The following FTO variants were observed in gnomAD, a reference collection of about 807,000 sequenced individuals.
FTO encodes the protein alpha-ketoglutarate-dependent dioxygenase FTO.
Under a neutral mutation model 63.9 loss-of-function variants are expected in FTO, and 47 were observed. The ratio of observed to expected loss-of-function variants is 0.74; its 90% CI spans 0.58 to 0.94. The LOEUF (loss-of-function observed/expected upper bound fraction) is 0.94. Among genes scored for constraint, FTO ranks in the 40% least tolerant of loss-of-function variants. FTO has a pLI of 0.00. For synonymous variants in FTO, 207 were observed against 224.4 expected (o/e 0.92, Z 0.69); for missense variants, 562 against 618.1 (o/e 0.91, Z 0.96).
At chr16:53,894,548 G>T (rs1427602548) in intron 7 of FTO, among the ~76,000 whole-genome samples, 2 of 152,074 alleles carry the variant, frequency 1.3e-5, no homozygotes, top group Non-Finnish European at 2.9e-5. Flanking sequence ...TAGGATTGAA[G>T]ATTTTTGGGG....
At chr16:53,964,210 A>C (rs995467993) in intron 8 of FTO, among the ~76,000 whole-genome samples, 1 of 152,180 alleles carries the variant, frequency 6.6e-6, no homozygotes, top group Non-Finnish European at 1.5e-5. Flanking sequence ...CAGATAGTAA[A>C]TATCTCAGAT....
At chr16:53,730,995 G>A (rs1416008496) in intron 1 of FTO, among the ~76,000 whole-genome samples, 1 of 152,144 alleles carries the variant, frequency 6.6e-6, no homozygotes, top group Non-Finnish European at 1.5e-5. Context: ...ACAGAACAAC[G>A]GAGTTAAAGA....
At chr16:53,955,141 C>T (rs371737639) in intron 8 of FTO, among the ~76,000 whole-genome samples, 6 of 152,184 alleles carry the variant, frequency 3.9e-5, no homozygotes, top group Admixed American at 1.3e-4. Flanking sequence ...CCATATGGGT[C>T]CTTAATTTGT....
intron 8 of FTO, among the ~76,000 whole-genome samples, chr16:54,068,833 C>A (rs116259780): frequency 6.6e-6 from 1 of 152,020 alleles, no homozygotes; most frequent in Admixed American, 6.6e-5. Flanking sequence ...CAGCCCATCT[C>A]GGCAAATAAT....
chr16:54,005,761 A>G (rs1285113012), intron 8 of FTO, among the ~76,000 whole-genome samples: 1 of 152,228 alleles, frequency 6.6e-6, no homozygotes, highest in African/African-American at 2.4e-5. Flanking sequence ...GTCTAAGGTT[A>G]ACAAGTGGAC....
At position 53,808,646 on chromosome 16, in the gene FTO, G is replaced by A. The variant is rs138885926; in HGVS notation, c.46-1494G>A. Among the ~76,000 whole-genome samples, 230 of 152,298 alleles carry A rather than the reference G, an allele frequency of 1.5e-3. 2 individuals carry two copies. Among genetic ancestry groups the A allele is most frequent in the African/African-American group, 5.3e-3 (221 of 41,564 alleles). On this transcript the variant is annotated intron_variant, in intron 1 of 8. Transcript: ENST00000471389. ...GAAGGCTGCTATTTGGGGTGGGAGAGGGTAGTATGCAGGGCTGCCACATCT... is the reference window on the plus strand; with the variant it reads ...GAAGGCTGCTATTTGGGGTGGGAGAAGGTAGTATGCAGGGCTGCCACATCT...
intron 8 of FTO, among the ~76,000 whole-genome samples, chr16:54,087,754 G>A (rs1017519002): frequency 2.6e-4 from 39 of 152,256 alleles, no homozygotes; most frequent in African/African-American, 6.7e-4. Flanking sequence ...CTATGATCAC[G>A]CCACTGCACT....
chr16:53,706,645 T>G (rs1046736029), intron 1 of FTO, among the ~76,000 whole-genome samples: 12 of 152,342 alleles, frequency 7.9e-5, no homozygotes, highest in South Asian at 6.2e-4. Flanking sequence ...GCCGTCCTCC[T>G]GCCTCTGCTA....
chr16:53,901,866 C>T (rs1030347448), intron 7 of FTO, among the ~76,000 whole-genome samples: 5 of 152,128 alleles, frequency 3.3e-5, no homozygotes, highest in Non-Finnish European at 7.4e-5. Flanking sequence ...CAAACGTGGG[C>T]TTCTGAAAGA....
intron 1 of FTO, among the ~76,000 whole-genome samples, chr16:53,766,821 TG>T: frequency 6.6e-6 from 1 of 152,198 alleles, no homozygotes; most frequent in East Asian, 1.9e-4. Flanking sequence ...TGAACTGGAG[TG>T]TTTTTCCTTC....
rs1441249228 is a variant in FTO at position 53,787,669 on chromosome 16, T to C, written c.46-22471T>C. ...TGAGGCCTAATGTTGAAATCTCATC[T>C]GTAAGTCTGGTATATCTAACTAATC... On this transcript the variant is annotated intron_variant, in intron 1 of 8. Transcript: ENST00000471389. 3.3e-5 allele frequency among the ~76,000 whole-genome samples: 5 copies of C among 152,356 alleles called. No individual in the cohort carries two copies. The South Asian group carries it at 1.0e-3, about 32-fold the overall frequency.
At chr16:54,005,270 A>G (rs1221015399) in intron 8 of FTO, among the ~76,000 whole-genome samples, 5 of 146,592 alleles carry the variant, frequency 3.4e-5, no homozygotes, top group Non-Finnish European at 7.5e-5. Context: ...TTAAATTAAT[A>G]TATTTTTATT....
intron 8 of FTO, among the ~76,000 whole-genome samples, chr16:54,079,329 A>G (rs2086083257): frequency 6.6e-6 from 1 of 152,218 alleles, no homozygotes; most frequent in Admixed American, 6.5e-5. Flanking sequence ...TCTGAGCTTT[A>G]TGAACTGGCA....
chr16:53,959,977 C>T (rs745567608), intron 8 of FTO, among the ~76,000 whole-genome samples: 3 of 151,948 alleles, frequency 2.0e-5, no homozygotes, highest in African/African-American at 7.3e-5. Flanking sequence ...AGTGATGAAC[C>T]GTAAGGATGG....
At chr16:54,061,181 G>C (rs757581516) in intron 8 of FTO, among the ~76,000 whole-genome samples, 5 of 152,126 alleles carry the variant, frequency 3.3e-5, no homozygotes, top group African/African-American at 1.2e-4. Flanking sequence ...GCGGTGATTC[G>C]GATGATTTTT....
intron 1 of FTO, among the ~76,000 whole-genome samples, chr16:53,807,995 A>C (rs560369908): frequency 2.0e-4 from 30 of 152,296 alleles, no homozygotes; most frequent in African/African-American, 7.2e-4. Context: ...TTACATTAGT[A>C]TTATAACTAT....
At chr16:53,810,946 T>C (rs2078503185) in intron 2 of FTO, among the ~76,000 whole-genome samples, 2 of 152,214 alleles carry the variant, frequency 1.3e-5, no homozygotes, top group Admixed American at 1.3e-4. Context: ...CTTTGGCATC[T>C]GGGATCTTAG....
intron 1 of FTO, among the ~76,000 whole-genome samples, chr16:53,716,408 C>G (rs2075896474): frequency 6.6e-6 from 1 of 152,032 alleles, no homozygotes; most frequent in Non-Finnish European, 1.5e-5. Context: ...GAAACTGTAG[C>G]CTGTGGTGGT....
chr16:53,705,690 T>C (rs763042463), intron 1 of FTO, among the ~76,000 whole-genome samples: 1 of 152,212 alleles, frequency 6.6e-6, no homozygotes, highest in Non-Finnish European at 1.5e-5. Flanking sequence ...GTGGATAATA[T>C]ATTAAAGATA....
Sources: allele counts gnomAD v4.1 joint callset (sites outside exome capture counted in the v4.1 genomes callset), GRCh38; gene constraint gnomAD v4.1.1; transcripts MANE v1.5; gene names NCBI Gene and HGNC (gene_info 2026-07-23, HGNC 2026-07-21).